The following TRMT11 variants were observed in gnomAD, a reference collection of about 807,000 sequenced individuals.
The protein encoded by TRMT11 is tRNA (guanine(10)-N(2))-methyltransferase TRMT11.
In TRMT11, 53 loss-of-function variants were observed where a neutral mutation model predicts 62.8. The observed-to-expected ratio is 0.84, with a 90% CI of 0.68 to 1.06. The LOEUF (loss-of-function observed/expected upper bound fraction) is 1.06. TRMT11 is among the 50% of genes least tolerant of loss of function. The pLI is 0.00. For missense variants in TRMT11, 556 were observed against 553.4 expected (o/e 1.00, Z -0.05); for synonymous variants, 188 against 190.3 (o/e 0.99, Z 0.10).
At chr6:126,054,926 A>G (rs537608908) in intron 17 of TRMT11, among the ~76,000 whole-genome samples, 1 of 152,250 alleles carries the variant, frequency 6.6e-6, no homozygotes, top group Admixed American at 6.5e-5. Flanking sequence ...GATTCTTACC[A>G]AGAGCAACCA....
intron 21 of TRMT11, among the ~76,000 whole-genome samples, chr6:126,116,538 G>T (rs1777589428): frequency 6.6e-6 from 1 of 152,044 alleles, no homozygotes; most frequent in Non-Finnish European, 1.5e-5. Flanking sequence ...TAATAATAGG[G>T]TAGTGCAAAT....
chr6:126,041,993 A>G (rs1448955630), downstream of TRMT11, among the ~76,000 whole-genome samples: 2 of 152,300 alleles, frequency 1.3e-5, no homozygotes, highest in East Asian at 1.9e-4. Flanking sequence ...TTATCAAGTA[A>G]TGTGGTTTGT....
At chr6:126,220,137 A>T in the TRMT11 span, among the ~76,000 whole-genome samples, 3 of 152,224 alleles carry the variant, frequency 2.0e-5, no homozygotes, top group African/African-American at 7.2e-5. Context: ...CCCAGATCCT[A>T]AATGCTTCTA....
intron 7 of TRMT11, among the ~76,000 whole-genome samples, chr6:126,007,543 T>C (rs1793543195): frequency 6.6e-6 from 1 of 152,040 alleles, no homozygotes. Context: ...AAAAAGTGAA[T>C]TTAATTAAAA....
chr6:126,066,452 C>A (rs956460549), intron 17 of TRMT11, among the ~76,000 whole-genome samples: 1 of 152,158 alleles, frequency 6.6e-6, no homozygotes, highest in Non-Finnish European at 1.5e-5. Flanking sequence ...CCTCATATGG[C>A]CTTTCTTGGT....
chr6:126,239,195 T>G, the TRMT11 span, among the ~76,000 whole-genome samples: 3 of 152,238 alleles, frequency 2.0e-5, no homozygotes, highest in African/African-American at 7.2e-5. Flanking sequence ...TTGGAGCATT[T>G]AGCCTATTTA....
At chr6:126,143,966 A>T (rs532812668) in intron 21 of TRMT11, among the ~76,000 whole-genome samples, 26 of 152,332 alleles carry the variant, frequency 1.7e-4, no homozygotes, top group African/African-American at 6.3e-4. Context: ...TTACCAGTTA[A>T]AGCAACAAAG....
chr6:126,012,248 C>G (rs1794325721), intron 9 of TRMT11, among the ~76,000 whole-genome samples: 2 of 151,908 alleles, frequency 1.3e-5, no homozygotes, highest in African/African-American at 4.8e-5. Flanking sequence ...TCTGTGTTTA[C>G]TTATATAAAA....
At chr6:126,014,024 A>G (rs1794642259) in intron 11 of TRMT11, among the ~76,000 whole-genome samples, 1 of 152,322 alleles carries the variant, frequency 6.6e-6, no homozygotes, top group Admixed American at 6.5e-5. Context: ...CTGTGCATAT[A>G]TTTAAAGCCC....
At chr6:126,073,954 C>T (rs1776935212) in intron 17 of TRMT11, among the ~76,000 whole-genome samples, 1 of 152,058 alleles carries the variant, frequency 6.6e-6, no homozygotes, top group Non-Finnish European at 1.5e-5. Flanking sequence ...GGGGGTAAAG[C>T]CCCTTATAAA....
At chr6:126,007,557 C>T (rs1178004662) in intron 7 of TRMT11, among the ~76,000 whole-genome samples, 1 of 151,882 alleles carries the variant, frequency 6.6e-6, no homozygotes, top group East Asian at 1.9e-4. Context: ...ATTAAAAGTA[C>T]AATTATTAAA....
chr6:126,085,003 G>A (rs1303719796), intron 17 of TRMT11, among the ~76,000 whole-genome samples: 1 of 152,108 alleles, frequency 6.6e-6, no homozygotes, highest in African/African-American at 2.4e-5. Context: ...GGAGACCTGA[G>A]GTACAGCATG....
intron 12 of TRMT11, among the ~76,000 whole-genome samples, chr6:126,037,196 G>C (rs958412873): frequency 6.6e-6 from 1 of 151,954 alleles, no homozygotes; most frequent in Non-Finnish European, 1.5e-5. Flanking sequence ...GAGTCAAACA[G>C]ATCTGTGTTC....
intron 12 of TRMT11, among the ~76,000 whole-genome samples, chr6:126,034,250 C>A (rs940949511): frequency 4.6e-5 from 7 of 152,090 alleles, no homozygotes; most frequent in African/African-American, 1.7e-4. Context: ...TCTTTAGCCC[C>A]CTTGTGTCCC....
the TRMT11 span, among the ~76,000 whole-genome samples, chr6:126,259,895 C>T: frequency 6.6e-6 from 1 of 152,196 alleles, no homozygotes; most frequent in African/African-American, 2.4e-5. Flanking sequence ...TTCCTTCTTG[C>T]TTTTAATTTG....
the TRMT11 span, among the ~76,000 whole-genome samples, chr6:126,269,962 T>G: frequency 2.6e-5 from 4 of 152,170 alleles, no homozygotes; most frequent in African/African-American, 9.7e-5. Flanking sequence ...GGAAGAACAC[T>G]TCTCTGAGTA....
chr6:126,074,346 A>G (rs571328129), intron 17 of TRMT11, among the ~76,000 whole-genome samples: 1 of 152,324 alleles, frequency 6.6e-6, no homozygotes, highest in East Asian at 1.9e-4. Context: ...AGCTTTCTTA[A>G]GCACAGGGCA....
chr6:126,257,530 G>T, the TRMT11 span, among the ~76,000 whole-genome samples: 1 of 152,086 alleles, frequency 6.6e-6, no homozygotes, highest in Non-Finnish European at 1.5e-5. Context: ...AATGAGTTTG[G>T]AAGTTTTCCT....
chr6:126,081,201 A>G (rs1048041381), intron 17 of TRMT11, among the ~76,000 whole-genome samples: 6 of 152,230 alleles, frequency 3.9e-5, no homozygotes, highest in African/African-American at 1.4e-4. Flanking sequence ...TTACTGGAGT[A>G]AATAAACACA....
Sources: gnomAD v4.1 joint callset for allele counts (sites outside exome capture counted in the v4.1 genomes callset) on GRCh38, gnomAD v4.1.1 for gene constraint, MANE v1.5 for transcripts, NCBI Gene and HGNC (gene_info 2026-07-23, HGNC 2026-07-21) for gene names.